UBR4: variants seen among roughly 807,000 people sequenced by gnomAD.
UBR4 encodes E3 ubiquitin-protein ligase UBR4.
Under a neutral mutation model 575.6 loss-of-function variants are expected in UBR4, and 124 were observed. The observed-to-expected ratio is 0.22, with a 90% confidence interval of 0.19 to 0.25. The LOEUF (loss-of-function observed/expected upper bound fraction) is 0.25. UBR4 is among the 10% of genes least tolerant of loss of function. UBR4 has a pLI of 1.00. For synonymous variants in UBR4, 2,455 were observed against 2,473.7 expected, an observed-to-expected ratio of 0.99 and a Z score of 0.22; for missense variants, 4,818 against 6,478.8, an observed-to-expected ratio of 0.74 and a Z score of 8.80.
intron 64 of UBR4, among the ~76,000 whole-genome samples, chr1:19,125,203 A>T (rs2081592228): frequency 6.6e-6 from 1 of 152,252 alleles, no homozygotes; most frequent in East Asian, 1.9e-4. Flanking sequence ...ATGTGAGGAC[A>T]GTGGAAACAA....
chr1:19,209,292 C>G (rs1271087757), intron 1 of UBR4, among the ~76,000 whole-genome samples: 1 of 152,194 alleles, frequency 6.6e-6, no homozygotes, highest in African/African-American at 2.4e-5. Flanking sequence ...TAATGAAAGA[C>G]TGCTCTGAGC....
chr1:19,162,541 T>C lies in UBR4; in HGVS notation c.4835A>G (p.Gln1612Arg). ...YLADVTNALS[Q>R]SNGQGPSHLS... ...ATGACTTGGGCCTTGACCATTACTCTGGCTCAGGGCATTCGTGACATCAGC... is the reference window on the plus strand; with the variant it reads ...ATGACTTGGGCCTTGACCATTACTCCGGCTCAGGGCATTCGTGACATCAGC... The change falls in exon 35 of 106, where the codon CAG becomes CGG. Residue 1612 changes from glutamine (Q) to arginine (R), a missense_variant. By Grantham distance (43) the Gln-to-Arg change is conservative. Around this residue, in one of 29 missense-constraint regions of UBR4, gnomAD observed 1,172 missense variants for 1,259.7 expected, o/e 0.93. Coordinates refer to ENST00000375254, the MANE Select transcript of UBR4 (RefSeq NM_020765.3). The C allele has an allele frequency of 6.2e-7, 1 of 1,614,214 alleles. No individual in the cohort carries two copies. Among genetic ancestry groups the C allele is most frequent in the Non-Finnish European group, 8.5e-7 (1 of 1,180,016 alleles).
chr1:19,148,263 A>G (rs2085147529), intron 50 of UBR4, 136 bp from the exon 51 acceptor site: 2 of 1,206,654 alleles, frequency 1.7e-6, no homozygotes, highest in Non-Finnish European at 2.2e-6. Flanking sequence ...AAGAGAAAAA[A>G]AAAAAAGTTT....
In UBR4 at chr1:19,084,484, C is replaced by T; in HGVS notation, c.15008+20G>A. 1.3e-6 allele frequency: 2 copies of T among 1,583,158 alleles called. No homozygotes were observed. The highest frequency in any genetic ancestry group is 1.1e-5 in the South Asian group (1 of 88,180). ...AGGGTGGGTCTGCGAGATGCCGCCC[C>T]TGGGACACAGGGTACTGACGTGTTC... On this transcript the variant is annotated intron_variant, in intron 102 of 105. Transcript: ENST00000375254.
chr1:19,106,321 G>C (rs2149195522), intron 83 of UBR4, among the ~76,000 whole-genome samples: 1 of 152,330 alleles, frequency 6.6e-6, no homozygotes, highest in East Asian at 1.9e-4. Context: ...ACTATGGTCA[G>C]GGAGGAAAGC....
Position 19,101,653 on chromosome 1 carries a change from C to T in UBR4, c.12902-12G>A, listed in dbSNP as rs2078646784. On this transcript the variant is annotated splice_polypyrimidine_tract_variant and intron_variant, in intron 87 of 105. Coordinates refer to ENST00000375254, the MANE Select transcript of UBR4 (RefSeq NM_020765.3). ...TTCTGATTCTGTACCTGCCAGAAATCAAAGCGGCCAAGTTAGGAAAGAGCC... is the reference window on the plus strand; with the variant it reads ...TTCTGATTCTGTACCTGCCAGAAATTAAAGCGGCCAAGTTAGGAAAGAGCC... 1.3e-6 allele frequency: 2 copies of T among 1,594,824 alleles called. No homozygotes were observed. The highest frequency in any genetic ancestry group is 1.7e-6 in the Non-Finnish European group (2 of 1,163,814).
chr1:19,131,243 TAA>T (rs869155620), intron 60 of UBR4, among the ~76,000 whole-genome samples: 10,659 of 102,642 alleles, frequency 0.1, 609 homozygotes, highest in Non-Finnish European at 0.12. Context: ...TCTTGAAACT[TAA>T]AAAAAAAAAA....
rs1557833119 is a variant in UBR4 at position 19,157,807 on chromosome 1, G to A, written c.5760+8C>T. On this transcript the variant is annotated splice_region_variant and intron_variant, in intron 40 of 105. Transcript: ENST00000375254. This position sits in a 1 kb window ranked among gnomAD's most constrained non-coding sequence, Gnocchi z 4.4. ...CTAAAGTAAGCGCACAAGAATTGGAGGACCCACCTTGCCCTTCTCATGGCT... is the reference window on the plus strand; with the variant it reads ...CTAAAGTAAGCGCACAAGAATTGGAAGACCCACCTTGCCCTTCTCATGGCT... 2.5e-6 allele frequency: 4 copies of A among 1,612,962 alleles called. No individual in the cohort carries two copies. Among genetic ancestry groups the A allele is most frequent in the Admixed American group, 1.7e-5 (1 of 59,876 alleles).
chr1:19,113,127 A>G (rs1364913048), intron 77 of UBR4: 1 of 444,264 alleles, frequency 2.3e-6, no homozygotes. Context: ...ACTCCCATGT[A>G]ACAAAGACAA....
At chr1:19,095,929 T>C (rs908188297) in intron 92 of UBR4, 1 of 362,656 alleles carries the variant, frequency 2.8e-6, no homozygotes, top group Non-Finnish European at 5.1e-6. Context: ...GCTCTGTTTG[T>C]TGTCTTGGGG....
intron 70 of UBR4, 100 bp from the exon 71 acceptor site, chr1:19,119,057 C>T (rs1457883538): frequency 7.1e-6 from 7 of 983,528 alleles, no homozygotes; most frequent in Non-Finnish European, 1.1e-5. Context: ...CTGCCCTAGA[C>T]CTACCAGACT....
intron 102 of UBR4, among the ~76,000 whole-genome samples, chr1:19,084,126 C>T (rs138778646): frequency 4.6e-5 from 7 of 152,330 alleles, no homozygotes; most frequent in South Asian, 2.1e-4. Context: ...GGCACAGCTC[C>T]GACCTGTGGC....
chr1:19,141,623 C>T, intron 56 of UBR4, 24 bp downstream of exon 56: 1 of 1,612,482 alleles, frequency 6.2e-7, no homozygotes, highest in East Asian at 2.2e-5. Context: ...TCCTCCTCCC[C>T]TTCTCCTGCT....
At chr1:19,169,774 G>C (rs1376367096) in intron 26 of UBR4, among the ~76,000 whole-genome samples, 1 of 152,176 alleles carries the variant, frequency 6.6e-6, no homozygotes, top group Non-Finnish European at 1.5e-5. Flanking sequence ...TTCTAATCTT[G>C]CAAGTAAAGA....
intron 1 of UBR4, among the ~76,000 whole-genome samples, chr1:19,202,798 G>C (rs879761499): frequency 6.6e-6 from 1 of 152,176 alleles, no homozygotes; most frequent in African/African-American, 2.4e-5. Flanking sequence ...GGCCGGGCAC[G>C]GTGGCTGGCC....
chr1:19,117,203 G>A lies in UBR4; in HGVS notation c.10823+18C>T, dbSNP rs748086723. ...CCTTACAACCTGCTGCCCCTCCCGA[G>A]GCCTAAAAAGCCCGTACTTGTTTTT... is the stretch of plus-strand genomic sequence containing the variant. On this transcript the variant is annotated intron_variant, in intron 73 of 105. Coordinates refer to ENST00000375254, the MANE Select transcript of UBR4 (RefSeq NM_020765.3). This position sits in a 1 kb window ranked among gnomAD's most constrained non-coding sequence, Gnocchi z 4.0. 2 of 1,608,838 alleles carry A rather than the reference G, an allele frequency of 1.2e-6. No homozygotes were observed. Among genetic ancestry groups the A allele is most frequent in the Non-Finnish European group, 1.7e-6 (2 of 1,176,142 alleles).
In UBR4 at chr1:19,170,675, C is replaced by T. The variant is rs879233109; in HGVS notation, c.3643+87G>A. ...AAAAGGCTCCAATAAATAGTAAACG[C>T]CAGTAGGCACCAAGGGAGAGAAGCC... On this transcript the variant is annotated intron_variant, in intron 26 of 105. Coordinates refer to ENST00000375254, the MANE Select transcript of UBR4 (RefSeq NM_020765.3). 29 of 1,574,752 alleles carry T rather than the reference C, an allele frequency of 1.8e-5. No individual in the cohort carries two copies. In the South Asian group the frequency reaches 2.4e-4, roughly 13 times the overall value.
chr1:19,087,748 G>A (rs1160175514), intron 99 of UBR4, 68 bp downstream of exon 99: 1 of 1,305,848 alleles, frequency 7.7e-7, no homozygotes, highest in Non-Finnish European at 1.1e-6. Context: ...CCTGGAGGAG[G>A]GGGATGCTAC....
intron 17 of UBR4, among the ~76,000 whole-genome samples, chr1:19,183,259 TTC>T (rs2091191624): frequency 6.6e-6 from 1 of 152,222 alleles, no homozygotes; most frequent in African/African-American, 2.4e-5. Flanking sequence ...CATCAGGAGT[TTC>T]TGTTTGTTTT....
Sources: allele counts gnomAD v4.1 joint callset (sites outside exome capture counted in the v4.1 genomes callset), GRCh38; gene constraint gnomAD v4.1.1; regional missense constraint gnomAD v4.1.1; non-coding constraint Gnocchi (gnomAD v3.1); transcripts MANE v1.5; gene names NCBI Gene and HGNC (gene_info 2026-07-23, HGNC 2026-07-21).